DKK3: variants seen among roughly 807,000 people sequenced by gnomAD.
The protein encoded by DKK3 is dickkopf Wnt signaling pathway inhibitor 3.
Under a neutral mutation model 33.2 loss-of-function variants are expected in DKK3, and 22 were observed. That is an observed-to-expected ratio of 0.66 (90% CI 0.47 to 0.95). The LOEUF is 0.95. Ranked by LOEUF, DKK3 falls within the 40% of genes least tolerant of loss-of-function variation. DKK3 has a pLI of 0.00. For missense variants in DKK3, 398 were observed against 458.4 expected (o/e 0.87, Z 1.20); for synonymous variants, 194 against 188.8 (o/e 1.03, Z -0.23).
intron 2 of DKK3, among the ~76,000 whole-genome samples, chr11:12,000,856 T>G (rs1021692818): frequency 6.6e-6 from 1 of 152,156 alleles, no homozygotes; most frequent in African/African-American, 2.4e-5. Flanking sequence ...TGAGAACTAC[T>G]GCACTGTGTT....
intron 3 of DKK3, among the ~76,000 whole-genome samples, chr11:11,981,521 C>A (rs1847954394): frequency 6.6e-6 from 1 of 152,160 alleles, no homozygotes; most frequent in Non-Finnish European, 1.5e-5. Flanking sequence ...ACGGTGCATC[C>A]AAACTCACCC....
chr11:11,995,547 G>A (rs1848274534), intron 3 of DKK3, among the ~76,000 whole-genome samples: 1 of 152,360 alleles, frequency 6.6e-6, no homozygotes, highest in Non-Finnish European at 1.5e-5. Flanking sequence ...AAGCCTTGTA[G>A]CTGCGAGTTG....
intron 3 of DKK3, among the ~76,000 whole-genome samples, chr11:11,982,911 T>C (rs1446955802): frequency 6.6e-6 from 1 of 152,216 alleles, no homozygotes; most frequent in Non-Finnish European, 1.5e-5. Flanking sequence ...AGCCTAGGAC[T>C]GTTCACGGGA....
At chr11:12,000,469 A>G (rs1473635774) in intron 2 of DKK3, among the ~76,000 whole-genome samples, 2 of 149,490 alleles carry the variant, frequency 1.3e-5, no homozygotes, top group Non-Finnish European at 3.0e-5. Context: ...GGCCTCCCAA[A>G]GTGCTGGGAA....
chr11:11,966,918 C>A, intron 5 of DKK3, 36 bp downstream of exon 5: 1 of 1,607,754 alleles, frequency 6.2e-7, no homozygotes, highest in Non-Finnish European at 8.5e-7. Context: ...GAGCTTGGGA[C>A]AGGGTTTTTC....
chr11:11,976,754 C>T (rs1375678674), intron 3 of DKK3, among the ~76,000 whole-genome samples: 2 of 152,214 alleles, frequency 1.3e-5, no homozygotes, highest in African/African-American at 4.8e-5. Context: ...AGCAACAGTG[C>T]CCTGAGGAAG....
intron 3 of DKK3, among the ~76,000 whole-genome samples, chr11:11,969,570 G>T (rs955381762): frequency 6.6e-6 from 1 of 152,196 alleles, no homozygotes. Flanking sequence ...GCAGCCAGTG[G>T]TGAGAAGGAC....
chr11:11,966,606 A>G (rs1466555550), intron 5 of DKK3, among the ~76,000 whole-genome samples: 1 of 152,044 alleles, frequency 6.6e-6, no homozygotes, highest in African/African-American at 2.4e-5. Context: ...CACCTGGGAG[A>G]GGCAGGACGG....
chr11:11,992,574 T>A (rs999778942), intron 3 of DKK3, among the ~76,000 whole-genome samples: 3 of 152,162 alleles, frequency 2.0e-5, no homozygotes, highest in African/African-American at 7.2e-5. Flanking sequence ...CCTAATCACC[T>A]CACACTGGAA....
chr11:11,965,679 G>A (rs559484642), intron 6 of DKK3, 130 bp downstream of exon 6: 26 of 1,189,996 alleles, frequency 2.2e-5, no homozygotes, highest in Middle Eastern at 2.9e-4. Context: ...ATGACCCAAC[G>A]ACCTCTCAAA....
chr11:11,997,628 G>C (rs77726621), intron 3 of DKK3, among the ~76,000 whole-genome samples: 8,381 of 152,150 alleles, frequency 0.055, 801 homozygotes, highest in African/African-American at 0.19. Context: ...TCCACAGCCA[G>C]TGCCCTTTCC....
intron 3 of DKK3, among the ~76,000 whole-genome samples, chr11:11,993,803 C>T (rs1224435303): frequency 6.6e-6 from 1 of 152,202 alleles, no homozygotes; most frequent in Non-Finnish European, 1.5e-5. Context: ...CAAGCCTTTG[C>T]TATCAACCTT....
chr11:12,009,263 C>A, upstream of DKK3: 1 of 984,372 alleles, frequency 1.0e-6, no homozygotes. Context: ...GCGGGAGCGG[C>A]GCGGTGGGCG....
intron 4 of DKK3, among the ~76,000 whole-genome samples, 180 bp from the exon 5 acceptor site, chr11:11,967,278 C>T (rs2134990643): frequency 6.6e-6 from 1 of 152,308 alleles, no homozygotes; most frequent in South Asian, 2.1e-4. Flanking sequence ...GCTGGCGAGA[C>T]ATGGGGGTCA....
At chr11:12,009,424 G>A (rs1848613857), upstream of DKK3, 4 of 891,860 alleles carry the variant, frequency 4.5e-6, no homozygotes, top group African/African-American at 1.9e-5. Flanking sequence ...CGGAGGGGCC[G>A]CAGCCCGGCC....
At chr11:11,988,020 C>A (rs1848107372) in intron 3 of DKK3, among the ~76,000 whole-genome samples, 1 of 152,184 alleles carries the variant, frequency 6.6e-6, no homozygotes, top group Non-Finnish European at 1.5e-5. Context: ...AAATACCCTC[C>A]TCGGGCAGTC....
intron 3 of DKK3, among the ~76,000 whole-genome samples, chr11:11,970,899 A>C (rs1847710522): frequency 6.6e-6 from 1 of 152,234 alleles, no homozygotes; most frequent in Non-Finnish European, 1.5e-5. Flanking sequence ...GAAAACAGTA[A>C]ATTTGTGTTG....
In DKK3 at chr11:11,998,658, T is replaced by A. The variant is rs765961622; in HGVS notation, c.435+38A>T. On this transcript the variant is annotated intron_variant, in intron 3 of 6. Coordinates refer to ENST00000683431, the MANE Select transcript of DKK3 (RefSeq NM_001018057.2). ...CAAACTGAATGAAAATGAAAGTGAG[T>A]GTGTCGGGGTGCAAGTACAGGGGAA... 1.9e-6 allele frequency: 3 copies of A among 1,558,844 alleles called. No individual in the cohort carries two copies. In the South Asian group the frequency reaches 3.3e-5, roughly 17 times the overall value.
Position 12,008,354 on chromosome 11 carries a change from G to T in DKK3, c.213+16C>A. ...CTGGCGCTTCTCAGAGCCCCGCGCC[G>T]CCAGGGCGCACCCACCTCTTCCACC... On this transcript the variant is annotated intron_variant, in intron 1 of 6. Coordinates refer to ENST00000683431, the MANE Select transcript of DKK3 (RefSeq NM_001018057.2). The surrounding 1 kb of genome is among the most constrained non-coding windows in gnomAD (Gnocchi z 4.6). The T allele has an allele frequency of 6.3e-7, 1 of 1,598,202 alleles. No individual in the cohort carries two copies.
Sources: gnomAD v4.1 joint callset for allele counts (sites outside exome capture counted in the v4.1 genomes callset) on GRCh38, gnomAD v4.1.1 for gene constraint, Gnocchi (gnomAD v3.1) non-coding constraint, MANE v1.5 for transcripts, NCBI Gene and HGNC (gene_info 2026-07-23, HGNC 2026-07-21) for gene names.